MAEL: variants seen among roughly 807,000 people sequenced by gnomAD.
MAEL encodes the protein protein maelstrom homolog.
A neutral mutation model predicts 62.0 loss-of-function variants in MAEL; 46 were observed. The ratio of observed to expected loss-of-function variants is 0.74; its 90% CI spans 0.59 to 0.95. The LOEUF (loss-of-function observed/expected upper bound fraction) is 0.95. Ranked by LOEUF, MAEL falls within the 40% of genes least tolerant of loss-of-function variation. The probability of loss-of-function intolerance (pLI) is 0.00; values close to 1 mark genes in which losing one functional copy is unlikely to be tolerated. For missense variants in MAEL, 497 were observed against 526.8 expected, an observed-to-expected ratio of 0.94 and a Z score of 0.55; for synonymous variants, 172 against 175.5, an observed-to-expected ratio of 0.98 and a Z score of 0.16.
intron 11 of MAEL, among the ~76,000 whole-genome samples, 156 bp from the exon 12 acceptor site, chr1:167,021,512 A>C (rs1665628009): frequency 6.6e-6 from 1 of 152,212 alleles, no homozygotes. Context: ...AAGAACTTCA[A>C]TTAAAAGTTT....
At chr1:166,988,346 T>C (rs7527568), upstream of MAEL, among the ~76,000 whole-genome samples, 1,733 of 103,142 alleles carry the variant, frequency 0.017, 34 homozygotes, top group African/African-American at 0.068. Flanking sequence ...TGAGACCCTG[T>C]CTAAAAAAAA....
intron 7 of MAEL, 21 bp downstream of exon 7, chr1:167,005,151 C>A (rs934096168): frequency 6.2e-7 from 1 of 1,613,160 alleles, no homozygotes; most frequent in Non-Finnish European, 8.5e-7. Flanking sequence ...CTCTGGGTTG[C>A]TGCAGAAGTG....
At chr1:167,012,877 A>T (rs1291819818) in intron 8 of MAEL, among the ~76,000 whole-genome samples, 6 of 143,540 alleles carry the variant, frequency 4.2e-5, no homozygotes, top group Non-Finnish European at 6.0e-5. Flanking sequence ...AATGCACAAG[A>T]TGAGGTTGAA....
chr1:167,010,412 A>G (rs1665120840), intron 8 of MAEL, among the ~76,000 whole-genome samples: 1 of 151,998 alleles, frequency 6.6e-6, no homozygotes, highest in Non-Finnish European at 1.5e-5. Context: ...ATTATCAGCT[A>G]AAGTGTTTTG....
Position 167,021,998 on chromosome 1 carries a change from A to T in MAEL, c.*143A>T, listed in dbSNP as rs2102138667. The T allele has an allele frequency of 3.3e-6, 2 of 606,672 alleles. No individual in the cohort carries two copies. The highest frequency in any genetic ancestry group is 5.4e-6 in the Non-Finnish European group (2 of 373,272). The allele number at this position is 606,672 out of a possible 1,614,324, so 37.6% of individuals were successfully genotyped here. A position where few individuals can be genotyped will look rare whatever the true frequency, so the allele number is the denominator to read the frequency against. Reference sequence around the variant, plus strand: ...TGTAAGGAAATTGTTTCATAGATTTAAAAAAATTGTGGTTGGAGAGCATCT... The same window carrying T: ...TGTAAGGAAATTGTTTCATAGATTTTAAAAAATTGTGGTTGGAGAGCATCT... On this transcript the variant is annotated 3_prime_UTR_variant, in exon 12 of 12. Transcript: ENST00000367872.
intron 9 of MAEL, among the ~76,000 whole-genome samples, chr1:167,017,350 A>G (rs1038719978): frequency 2.0e-5 from 3 of 152,164 alleles, no homozygotes; most frequent in African/African-American, 7.2e-5. Context: ...TCTCCTAGCA[A>G]TATGGGTGAA....
chr1:167,012,002 G>A (rs1043932927), intron 8 of MAEL, among the ~76,000 whole-genome samples: 4 of 152,176 alleles, frequency 2.6e-5, no homozygotes, highest in Non-Finnish European at 1.5e-5. Context: ...ACATAGTACT[G>A]TAGGCACTTT....
Position 167,005,308 on chromosome 1 carries a change from C to T in MAEL, c.756C>T (p.Ile252=). 1 of 1,613,652 alleles carries T rather than the reference C, an allele frequency of 6.2e-7. No homozygotes were observed. Among genetic ancestry groups the T allele is most frequent in the Non-Finnish European group, 8.5e-7 (1 of 1,179,736 alleles). Residue 252 remains isoleucine, a synonymous_variant, in exon 8 of 12, where the codon ATC becomes ATT. Transcript: ENST00000367872. Reference sequence around the variant, plus strand: ...CTGTAGAGGACCTTGTAGTGGGGATCTACCAACAAAAATTTCTCAAGGAGC... The same window carrying T: ...CTGTAGAGGACCTTGTAGTGGGGATTTACCAACAAAAATTTCTCAAGGAGC... ...LLTVEDLVVG[I]YQQKFLKEPS... is the part of the protein sequence containing the mutation.
At chr1:167,005,774 A>G (rs571067582) in intron 8 of MAEL, among the ~76,000 whole-genome samples, 1 of 152,324 alleles carries the variant, frequency 6.6e-6, no homozygotes, top group Admixed American at 6.5e-5. Context: ...GAAAAGTTGC[A>G]AAAATAACAC....
chr1:167,007,067 A>G (rs1664945466), intron 8 of MAEL, among the ~76,000 whole-genome samples: 1 of 151,750 alleles, frequency 6.6e-6, no homozygotes, highest in African/African-American at 2.4e-5. Context: ...TATTACTATC[A>G]TTGTGAAAGG....
intron 5 of MAEL, among the ~76,000 whole-genome samples, chr1:167,002,863 G>A (rs1310654551): frequency 6.6e-6 from 1 of 152,098 alleles, no homozygotes; most frequent in African/African-American, 2.4e-5. Flanking sequence ...TGGAAACTCT[G>A]TTCTGTTTCT....
chr1:166,996,365 T>G (rs979090488), intron 5 of MAEL, among the ~76,000 whole-genome samples: 4 of 152,214 alleles, frequency 2.6e-5, no homozygotes, highest in African/African-American at 7.2e-5. Flanking sequence ...CTTCCCCACT[T>G]TAACCAGATG....
rs529389494 is a variant in MAEL at position 167,000,971 on chromosome 1, T to G, written c.524-3209T>G. 4.6e-5 allele frequency among the ~76,000 whole-genome samples: 7 copies of G among 152,284 alleles called. No homozygotes were observed. The South Asian group carries it at 1.2e-3, about 27-fold the overall frequency. On this transcript the variant is annotated intron_variant, in intron 5 of 11. Coordinates refer to ENST00000367872, the MANE Select transcript of MAEL (RefSeq NM_032858.3). ...CACACACATGTTTATAACAGCACAA[T>G]TTGCAATTGCAAAAATGTGGAACCA...
At chr1:166,987,494 C>T (rs1663960387), upstream of MAEL, among the ~76,000 whole-genome samples, 1 of 152,096 alleles carries the variant, frequency 6.6e-6, no homozygotes, top group Non-Finnish European at 1.5e-5. Flanking sequence ...ATCTACAAGG[C>T]TTTGTGGATA....
At chr1:166,995,097 C>G (rs1231640886) in intron 5 of MAEL, among the ~76,000 whole-genome samples, 1 of 149,166 alleles carries the variant, frequency 6.7e-6, no homozygotes, top group African/African-American at 2.5e-5. Flanking sequence ...CAACACTGTT[C>G]TTTATAAATG....
At position 166,989,322 on chromosome 1, in the gene MAEL, G is replaced by A; in HGVS notation, c.-31G>A. 3 of 1,602,014 alleles carry A rather than the reference G, an allele frequency of 1.9e-6. No individual in the cohort carries two copies. Among genetic ancestry groups the A allele is most frequent in the Non-Finnish European group, 2.6e-6 (3 of 1,174,520 alleles). ...GGCGAGGGCGCCGGTGCTTTGTTCT[G>A]TCTGAGGCCAGGAAGTTTGACCGCG... On this transcript the variant is annotated 5_prime_UTR_variant, in exon 1 of 12. Transcript: ENST00000367872.
At chr1:166,986,783 T>C (rs1377405005), upstream of MAEL, among the ~76,000 whole-genome samples, 2 of 151,994 alleles carry the variant, frequency 1.3e-5, no homozygotes, top group African/African-American at 4.8e-5. Flanking sequence ...AAGGAATTAA[T>C]AAACTTAAGG....
At chr1:167,012,501 A>G (rs1177311720) in intron 8 of MAEL, 2 of 152,228 alleles carry the variant, frequency 1.3e-5, no homozygotes, top group Non-Finnish European at 2.9e-5. Context: ...GTGCCAGAAG[A>G]TGATCCAAAG....
At chr1:167,021,378 G>T (rs979533390) in intron 11 of MAEL, among the ~76,000 whole-genome samples, 1 of 152,026 alleles carries the variant, frequency 6.6e-6, no homozygotes, top group Non-Finnish European at 1.5e-5. Flanking sequence ...AATTTGTTAG[G>T]GCATTTAAAA....
Sources: gnomAD v4.1 joint callset for allele counts (sites outside exome capture counted in the v4.1 genomes callset) on GRCh38, gnomAD v4.1.1 for gene constraint, MANE v1.5 for transcripts, NCBI Gene and HGNC (gene_info 2026-07-23, HGNC 2026-07-21) for gene names.